The following RPS6KC1 variants were observed in gnomAD, a reference collection of about 807,000 sequenced individuals.
RPS6KC1 encodes the protein ribosomal protein S6 kinase C1.
In RPS6KC1, 54 loss-of-function variants were observed where a neutral mutation model predicts 103.8. That is an observed-to-expected ratio of 0.52 (90% confidence interval 0.42 to 0.65). The LOEUF (loss-of-function observed/expected upper bound fraction) is 0.65. Among genes scored for constraint, RPS6KC1 ranks in the 30% least tolerant of loss-of-function variants. RPS6KC1 has a pLI of 0.00. For missense variants in RPS6KC1, 1,151 were observed against 1,253.8 expected (o/e 0.92, Z 1.24); for synonymous variants, 439 against 438.7 (o/e 1.00, Z -0.01).
At chr1:213,265,602 G>T (rs2094894126) in intron 14 of RPS6KC1, among the ~76,000 whole-genome samples, 1 of 152,204 alleles carries the variant, frequency 6.6e-6, no homozygotes, top group Admixed American at 6.5e-5. Flanking sequence ...GGATATTCCT[G>T]TGATGTTTGT....
chr1:213,771,123 C>CTTTG, the RPS6KC1 span, among the ~76,000 whole-genome samples: 82,799 of 150,900 alleles, frequency 0.55, 24,369 homozygotes, highest in East Asian at 0.83. Context: ...CTTCTCTCTC[C>CTTTG]TTTGTTTGTT....
the RPS6KC1 span, among the ~76,000 whole-genome samples, chr1:213,768,657 A>C: frequency 6.6e-6 from 1 of 152,222 alleles, no homozygotes; most frequent in Non-Finnish European, 1.5e-5. Flanking sequence ...TCTCCCTTTA[A>C]ATTATTTTCC....
chr1:213,518,579 A>T, the RPS6KC1 span, among the ~76,000 whole-genome samples: 1 of 152,198 alleles, frequency 6.6e-6, no homozygotes, highest in Non-Finnish European at 1.5e-5. Flanking sequence ...TTTGTTCTTT[A>T]AAGTCGCTGA....
the RPS6KC1 span, among the ~76,000 whole-genome samples, chr1:213,575,322 A>G: frequency 6.6e-6 from 1 of 152,200 alleles, no homozygotes; most frequent in South Asian, 2.1e-4. Flanking sequence ...TGTCCTTGGC[A>G]TCCACCAGGA....
the RPS6KC1 span, among the ~76,000 whole-genome samples, chr1:213,426,583 A>G: frequency 4.9e-4 from 74 of 152,336 alleles, no homozygotes; most frequent in African/African-American, 1.8e-3. Context: ...TCGGCTACTA[A>G]TGTCTAATGA....
the RPS6KC1 span, among the ~76,000 whole-genome samples, chr1:213,610,070 T>A: frequency 2.8e-4 from 43 of 152,330 alleles, no homozygotes; most frequent in African/African-American, 1.0e-3. Flanking sequence ...TCATCAGCCA[T>A]ACCTTGTCTT....
At chr1:213,498,512 T>A in the RPS6KC1 span, among the ~76,000 whole-genome samples, 2 of 152,212 alleles carry the variant, frequency 1.3e-5, no homozygotes, top group Non-Finnish European at 2.9e-5. Flanking sequence ...TGGAGTGCAG[T>A]GGTGCGATCT....
chr1:213,318,115 T>G, the RPS6KC1 span, among the ~76,000 whole-genome samples: 1 of 152,250 alleles, frequency 6.6e-6, no homozygotes, highest in Non-Finnish European at 1.5e-5. Flanking sequence ...AGTAGCTGTT[T>G]CCTTACTGCA....
At chr1:213,255,890 A>G (rs1011769935) in intron 12 of RPS6KC1, among the ~76,000 whole-genome samples, 2 of 152,184 alleles carry the variant, frequency 1.3e-5, no homozygotes, top group African/African-American at 4.8e-5. Context: ...CGTAGCTTAG[A>G]GTCATGTATG....
At chr1:213,287,976 GT>G in the RPS6KC1 span, among the ~76,000 whole-genome samples, 69,329 of 151,934 alleles carry the variant, frequency 0.46, 18,994 homozygotes, top group East Asian at 0.66. Flanking sequence ...CATAGTAATA[GT>G]AACTGCTAAA....
chr1:213,212,971 A>G (rs776471699), intron 8 of RPS6KC1, among the ~76,000 whole-genome samples: 1 of 152,180 alleles, frequency 6.6e-6, no homozygotes, highest in Non-Finnish European at 1.5e-5. Flanking sequence ...ATGGTCCATT[A>G]TCAGATGTAT....
the RPS6KC1 span, among the ~76,000 whole-genome samples, chr1:213,704,841 G>C: frequency 6.6e-6 from 1 of 152,256 alleles, no homozygotes; most frequent in South Asian, 2.1e-4. Context: ...GGCACCCCAA[G>C]CTGAGTAAAG....
At chr1:213,711,752 C>T in the RPS6KC1 span, among the ~76,000 whole-genome samples, 2 of 152,166 alleles carry the variant, frequency 1.3e-5, no homozygotes, top group South Asian at 2.1e-4. Context: ...GTTAGTTTTC[C>T]TTCTAGCAGT....
the RPS6KC1 span, among the ~76,000 whole-genome samples, chr1:213,676,019 T>A: frequency 6.6e-6 from 1 of 152,222 alleles, no homozygotes; most frequent in Non-Finnish European, 1.5e-5. Flanking sequence ...CCTTCCCCTG[T>A]AGCTTGCTTT....
the RPS6KC1 span, among the ~76,000 whole-genome samples, chr1:213,415,770 A>G: frequency 2.0e-5 from 3 of 152,180 alleles, no homozygotes; most frequent in Non-Finnish European, 2.9e-5. Context: ...GTAGCTGTGG[A>G]GCCTCGGGCT....
the RPS6KC1 span, among the ~76,000 whole-genome samples, chr1:213,704,025 C>T: frequency 1.3e-5 from 2 of 151,858 alleles, no homozygotes; most frequent in African/African-American, 4.8e-5. Context: ...TCTTTTGTAT[C>T]TTCTGTATAT....
At chr1:213,295,942 CA>C in the RPS6KC1 span, among the ~76,000 whole-genome samples, 1 of 152,126 alleles carries the variant, frequency 6.6e-6, no homozygotes, top group South Asian at 2.1e-4. Context: ...TTAGATCATC[CA>C]GGTTTTTATT....
At chr1:213,744,868 TA>T in the RPS6KC1 span, among the ~76,000 whole-genome samples, 1 of 152,232 alleles carries the variant, frequency 6.6e-6, no homozygotes, top group Admixed American at 6.5e-5. Context: ...ATACTCAATT[TA>T]CCCAGAAGTG....
At chr1:213,158,407 A>G (rs957974052) in intron 6 of RPS6KC1, among the ~76,000 whole-genome samples, 6 of 152,194 alleles carry the variant, frequency 3.9e-5, no homozygotes, top group African/African-American at 7.2e-5. Flanking sequence ...AGCTTCCTCA[A>G]AATAACCATT....
Sources: gnomAD v4.1 joint callset for allele counts (sites outside exome capture counted in the v4.1 genomes callset) on GRCh38, gnomAD v4.1.1 for gene constraint, MANE v1.5 for transcripts, NCBI Gene and HGNC (gene_info 2026-07-23, HGNC 2026-07-21) for gene names.